SCHIP1: variants seen among roughly 807,000 people sequenced by gnomAD.
SCHIP1 encodes the protein schwannomin-interacting protein 1.
In SCHIP1, 8 loss-of-function variants were observed where a neutral mutation model predicts 29.7. The ratio of observed to expected loss-of-function variants is 0.27; its 90% CI spans 0.16 to 0.49. The LOEUF is 0.49. SCHIP1 is among the 20% of genes least tolerant of loss of function. The pLI is 0.99. For missense variants in SCHIP1, 193 were observed against 294.6 expected, an observed-to-expected ratio of 0.66 and a Z score of 2.52; for synonymous variants, 76 against 94.9, an observed-to-expected ratio of 0.80 and a Z score of 1.16.
At chr3:159,676,587 C>T in the SCHIP1 span, among the ~76,000 whole-genome samples, 1 of 152,202 alleles carries the variant, frequency 6.6e-6, no homozygotes, top group Admixed American at 6.5e-5. Flanking sequence ...TCTTTCAGCA[C>T]ATGGAGTTTC....
At chr3:159,545,906 C>T in the SCHIP1 span, among the ~76,000 whole-genome samples, 9 of 151,594 alleles carry the variant, frequency 5.9e-5, no homozygotes, top group African/African-American at 1.4e-4. Flanking sequence ...GGGGACTGAG[C>T]ATGTTCCTCC....
chr3:159,826,989 TCCTGATCAGTA>T, the SCHIP1 span, among the ~76,000 whole-genome samples: 2 of 152,244 alleles, frequency 1.3e-5, no homozygotes, highest in African/African-American at 4.8e-5. Context: ...TAGCATAATT[TCCTGATCAGTA>T]CCTTTATAAT....
intron 1 of SCHIP1, chr3:159,845,939 C>G (rs1480087308): frequency 6.6e-6 from 1 of 152,190 alleles, no homozygotes; most frequent in Non-Finnish European, 1.5e-5. Context: ...GGCCAGTTGC[C>G]CGCACTTTAA....
the SCHIP1 span, among the ~76,000 whole-genome samples, chr3:159,786,255 A>C: frequency 6.6e-6 from 1 of 152,206 alleles, no homozygotes; most frequent in Non-Finnish European, 1.5e-5. Context: ...CAAATATAGC[A>C]ATCTAAAAAG....
chr3:159,610,405 T>C, the SCHIP1 span, among the ~76,000 whole-genome samples: 13 of 152,232 alleles, frequency 8.5e-5, no homozygotes, highest in African/African-American at 3.1e-4. Context: ...GGGGTGATGT[T>C]CTGTCACTGA....
chr3:159,282,066 CAT>C, the SCHIP1 span, among the ~76,000 whole-genome samples: 1 of 151,960 alleles, frequency 6.6e-6, no homozygotes, highest in Admixed American at 6.6e-5. Context: ...TATGAAATCA[CAT>C]AGACATATAA....
the SCHIP1 span, among the ~76,000 whole-genome samples, chr3:159,467,573 G>A: frequency 6.6e-6 from 1 of 151,708 alleles, no homozygotes; most frequent in Non-Finnish European, 1.5e-5. Context: ...TAAAATTAAT[G>A]TTTGAAACCA....
the SCHIP1 span, among the ~76,000 whole-genome samples, chr3:159,364,199 A>G: frequency 5.0e-4 from 76 of 152,326 alleles, no homozygotes; most frequent in African/African-American, 1.7e-3. Context: ...CGTATTAGGG[A>G]AGCTGGAAAC....
chr3:159,383,846 A>G, the SCHIP1 span, among the ~76,000 whole-genome samples: 9 of 151,238 alleles, frequency 6.0e-5, no homozygotes, highest in Admixed American at 1.3e-4. Context: ...TTGGATTCCT[A>G]GGTATTTTAT....
the SCHIP1 span, among the ~76,000 whole-genome samples, chr3:159,664,718 T>C: frequency 6.6e-6 from 1 of 152,156 alleles, no homozygotes. Context: ...ATAAGAGGCA[T>C]ATAAGACATT....
chr3:159,713,222 G>GAGAGAGAAAGGA, the SCHIP1 span, among the ~76,000 whole-genome samples: 59 of 100,956 alleles, frequency 5.8e-4, no homozygotes, highest in African/African-American at 2.2e-3. Flanking sequence ...GAGAGAGAGA[G>GAGAGAGAAAGGA]AGAAAGAAAG....
At chr3:159,819,749 C>T in the SCHIP1 span, among the ~76,000 whole-genome samples, 1 of 152,226 alleles carries the variant, frequency 6.6e-6, no homozygotes, top group African/African-American at 2.4e-5. Context: ...AGCCCTGACT[C>T]TAGACCAGGC....
the SCHIP1 span, among the ~76,000 whole-genome samples, chr3:159,454,559 T>C: frequency 6.6e-6 from 1 of 152,202 alleles, no homozygotes; most frequent in Non-Finnish European, 1.5e-5. Flanking sequence ...GTTTAGATTC[T>C]ATCCCTGGGT....
At chr3:159,273,289 G>A in the SCHIP1 span, 3 of 985,922 alleles carry the variant, frequency 3.0e-6, no homozygotes, top group Non-Finnish European at 3.6e-6. Context: ...TTTCTGCTGT[G>A]ATAATCTTCA....
the SCHIP1 span, among the ~76,000 whole-genome samples, chr3:159,752,604 T>G: frequency 3.3e-5 from 5 of 152,136 alleles, no homozygotes; most frequent in African/African-American, 1.2e-4. Context: ...GTGTCTCGCA[T>G]GGTGGAAGCA....
the SCHIP1 span, among the ~76,000 whole-genome samples, chr3:159,513,680 A>T: frequency 6.6e-6 from 1 of 152,068 alleles, no homozygotes; most frequent in African/African-American, 2.4e-5. Context: ...GAAGGGAGAA[A>T]GGGGCTCCAA....
the SCHIP1 span, among the ~76,000 whole-genome samples, chr3:159,547,511 T>C: frequency 3.3e-3 from 508 of 152,350 alleles, 11 homozygotes; most frequent in Admixed American, 0.024. Flanking sequence ...CTGAATGGTA[T>C]TGCATAGGTT....
chr3:159,495,437 A>T, the SCHIP1 span, among the ~76,000 whole-genome samples: 3 of 152,240 alleles, frequency 2.0e-5, no homozygotes, highest in South Asian at 6.2e-4. Context: ...ATGTGCAAAA[A>T]TCACAAGCAT....
the SCHIP1 span, among the ~76,000 whole-genome samples, chr3:159,565,027 C>G: frequency 6.6e-6 from 1 of 152,144 alleles, no homozygotes; most frequent in East Asian, 1.9e-4. Context: ...TTTAGAAGAT[C>G]ATTTCAAATA....
Sources: allele counts gnomAD v4.1 joint callset (sites outside exome capture counted in the v4.1 genomes callset), GRCh38; gene constraint gnomAD v4.1.1; transcripts MANE v1.5; gene names NCBI Gene and HGNC (gene_info 2026-07-23, HGNC 2026-07-21).